KLRG1: variants seen among roughly 807,000 people sequenced by gnomAD.
KLRG1 encodes killer cell lectin like receptor G1, also known as killer cell lectin-like receptor subfamily G member 1.
KLRG1 carries 16 observed loss-of-function variants against 21.8 expected under a neutral mutation model. That is an observed-to-expected ratio of 0.73 (90% CI 0.50 to 1.11). The LOEUF is 1.11. KLRG1 is among the 50% of genes most tolerant of loss of function. The pLI is 0.00. For missense variants in KLRG1, 173 were observed against 218.3 expected (o/e 0.79, Z 1.31); for synonymous variants, 69 against 75.9 (o/e 0.91, Z 0.47).
the KLRG1 span, chr12:9,109,261 C>T: frequency 7.2e-6 from 10 of 1,394,660 alleles, no homozygotes; most frequent in Non-Finnish European, 1.0e-5. Context: ...TTAAAATATC[C>T]CAAATGGTGA....
the KLRG1 span, chr12:9,194,331 C>T: frequency 1.7e-6 from 2 of 1,183,748 alleles, no homozygotes; most frequent in Non-Finnish European, 2.4e-6. Context: ...ATAACTAAAA[C>T]AACAACCTCC....
At chr12:9,184,838 A>T in the KLRG1 span, among the ~76,000 whole-genome samples, 1 of 152,176 alleles carries the variant, frequency 6.6e-6, no homozygotes, top group Non-Finnish European at 1.5e-5. Context: ...CTGCCCCCAA[A>T]TCTTCTGGTA....
the KLRG1 span, chr12:9,169,087 C>A: frequency 8.6e-6 from 6 of 698,208 alleles, no homozygotes; most frequent in African/African-American, 1.8e-5. Context: ...AATTCTATGG[C>A]GAAACACTTG....
chr12:9,207,271 A>G, the KLRG1 span, among the ~76,000 whole-genome samples: 2 of 152,180 alleles, frequency 1.3e-5, no homozygotes, highest in African/African-American at 2.4e-5. Context: ...CTAGAAGTGC[A>G]GTGTGGGTAT....
At chr12:9,160,073 G>A in the KLRG1 span, 1 of 1,540,500 alleles carries the variant, frequency 6.5e-7, no homozygotes, top group South Asian at 1.1e-5. Context: ...AAGAAAGGCA[G>A]GCCATCCATA....
At chr12:9,008,044 G>A (rs1947522572) in intron 3 of KLRG1, among the ~76,000 whole-genome samples, 1 of 151,888 alleles carries the variant, frequency 6.6e-6, no homozygotes, top group East Asian at 1.9e-4. Flanking sequence ...TGTTCTGTTG[G>A]GTAACGTGGC....
chr12:9,090,230 A>C, the KLRG1 span: 1 of 1,486,134 alleles, frequency 6.7e-7, no homozygotes, highest in South Asian at 1.2e-5. Flanking sequence ...CTTAGAATAA[A>C]AGGCAAAGGA....
chr12:9,180,221 T>C, the KLRG1 span, among the ~76,000 whole-genome samples: 94 of 152,290 alleles, frequency 6.2e-4, 1 homozygote, highest in African/African-American at 2.3e-3. Context: ...GCCATGCTGG[T>C]GCGCAAGGTA....
At chr12:9,200,398 T>C in the KLRG1 span, 2 of 1,611,096 alleles carry the variant, frequency 1.2e-6, no homozygotes, top group South Asian at 1.1e-5. Context: ...TTTTCATCCA[T>C]GATACTGATT....
chr12:9,113,305 C>G, the KLRG1 span: 1 of 1,570,008 alleles, frequency 6.4e-7, no homozygotes, highest in Non-Finnish European at 8.7e-7. Flanking sequence ...AATACTAGAT[C>G]CCTATGACCC....
the KLRG1 span, among the ~76,000 whole-genome samples, chr12:9,187,780 G>T: frequency 3.9e-5 from 6 of 152,320 alleles, no homozygotes; most frequent in Admixed American, 1.3e-4. Flanking sequence ...TAGTGGGTCA[G>T]CTGTGCTGTG....
At chr12:9,173,954 G>T in the KLRG1 span, among the ~76,000 whole-genome samples, 2 of 152,190 alleles carry the variant, frequency 1.3e-5, no homozygotes, top group Non-Finnish European at 2.9e-5. Context: ...TGAAAAGGAG[G>T]GACTCCTCGC....
chr12:9,110,294 G>T, the KLRG1 span: 1 of 1,461,782 alleles, frequency 6.8e-7, no homozygotes, highest in South Asian at 1.3e-5. Context: ...TTTTAATATG[G>T]AATGTTTCAT....
the KLRG1 span, among the ~76,000 whole-genome samples, chr12:9,104,998 A>G: frequency 6.6e-6 from 1 of 152,188 alleles, no homozygotes; most frequent in Non-Finnish European, 1.5e-5. Flanking sequence ...TTTGGAAGGT[A>G]GGCAGATTTT....
the KLRG1 span, among the ~76,000 whole-genome samples, chr12:9,041,080 A>C: frequency 0.095 from 14,491 of 152,282 alleles, 1,197 homozygotes; most frequent in African/African-American, 0.22. Context: ...TCATACCTGT[A>C]ATCTTAGCAC....
chr12:9,087,609 A>C, the KLRG1 span, among the ~76,000 whole-genome samples: 1 of 152,082 alleles, frequency 6.6e-6, no homozygotes, highest in African/African-American at 2.4e-5. Context: ...GAATATAGTT[A>C]ATAATAGTGT....
At chr12:9,072,182 C>T in the KLRG1 span, among the ~76,000 whole-genome samples, 3 of 152,148 alleles carry the variant, frequency 2.0e-5, no homozygotes, top group African/African-American at 7.2e-5. Context: ...AATAGTAGAT[C>T]CTGGATGGAC....
the KLRG1 span, chr12:9,157,910 T>C: frequency 6.8e-5 from 85 of 1,258,014 alleles, no homozygotes; most frequent in Non-Finnish European, 8.6e-5. Flanking sequence ...TGTTGTTTGA[T>C]GGAAACGCTC....
the KLRG1 span, chr12:9,090,513 A>G: frequency 4.4e-6 from 7 of 1,608,350 alleles, no homozygotes; most frequent in South Asian, 2.2e-5. Flanking sequence ...GGGAGTAGAG[A>G]GGGAAGGAGA....
Sources: allele counts gnomAD v4.1 joint callset (sites outside exome capture counted in the v4.1 genomes callset), GRCh38; gene constraint gnomAD v4.1.1; transcripts MANE v1.5; gene names NCBI Gene and HGNC (gene_info 2026-07-23, HGNC 2026-07-21).